APOB: variants seen among roughly 807,000 people sequenced by gnomAD.
The protein encoded by APOB is apolipoprotein B-100.
A neutral mutation model predicts 314.1 loss-of-function variants in APOB; 153 were observed. The ratio of observed to expected loss-of-function variants is 0.49; its 90% CI spans 0.43 to 0.56. The LOEUF (loss-of-function observed/expected upper bound fraction) is 0.56, where lower values mean the gene tolerates loss of function less well. Ranked by LOEUF, APOB falls within the 20% of genes least tolerant of loss-of-function variation. APOB has a pLI of 0.00. For synonymous variants in APOB, 2,087 were observed against 2,036.4 expected (o/e 1.02, Z -0.67); for missense variants, 5,430 against 5,350.7 (o/e 1.01, Z -0.46).
Position 21,002,173 on chromosome 2 carries a change from C to T in APOB, c.13249G>A (p.Ala4417Thr), listed in dbSNP as rs750098212. 1 of 1,613,932 alleles carries T rather than the reference C, an allele frequency of 6.2e-7. No homozygotes were observed. The highest frequency in any genetic ancestry group is 1.3e-5 in the African/African-American group (1 of 75,026). ...IVSLIKNLLV[A>T]LKDFHSEYIV... ...TATTCAGAATGGAAGTCCTTAAGAG[C>T]AACTAACAGGTTCTTGATCAGACTG... Residue 4417 changes from alanine (A) to threonine (T), a missense_variant, in exon 29 of 29, where the codon GCT becomes ACT. By Grantham distance (58) the Ala-to-Thr change is moderately conservative (BLOSUM62 0). Transcript: ENST00000233242.
In APOB at chr2:21,037,184, T is replaced by C. The variant is rs1255146365; in HGVS notation, c.609A>G (p.Ile203Met). 4.3e-6 allele frequency: 7 copies of C among 1,614,076 alleles called. No homozygotes were observed. In the East Asian group the frequency reaches 1.6e-4, roughly 36 times the overall value. ...KTRKGNVATE[I>M]STERDLGQCD... Reference sequence around the variant, plus strand: ...ACTGCCCCAGGTCTCTTTCAGTGGATATTTCTGTTGCCACATTGCCCTTCC... The same window carrying C: ...ACTGCCCCAGGTCTCTTTCAGTGGACATTTCTGTTGCCACATTGCCCTTCC... Residue 203 changes from isoleucine (I) to methionine (M), a missense_variant, in exon 6 of 29, where the codon ATA (isoleucine) becomes ATG (methionine). This residue lies in a region of APOB where 2,085 missense variants were observed against 2,079.7 expected (regional missense o/e 1.00). Transcript: ENST00000233242.
intron 16 of APOB, chr2:21,024,553 A>T: frequency 2.5e-6 from 1 of 396,010 alleles, no homozygotes. Context: ...CGGAAGGCAG[A>T]GTTGCAGTGA....
chr2:21,035,455 G>T, intron 7 of APOB, 129 bp downstream of exon 7: 1 of 1,226,774 alleles, frequency 8.2e-7, no homozygotes, highest in Non-Finnish European at 1.2e-6. Context: ...GGGACAGGGA[G>T]GGGCGGCATT....
chr2:21,038,149 T>A, intron 4 of APOB, 38 bp from the exon 5 acceptor site: 1 of 1,612,142 alleles, frequency 6.2e-7, no homozygotes, highest in Non-Finnish European at 8.5e-7. Flanking sequence ...AATGTCCTTC[T>A]CCATTACAAC....
rs1304325187 is a variant in APOB, at chr2:21,038,159, C to T, written c.384-48G>A. ...ACGGAAATGTCCTTCTCCATTACAA[C>T]TTGCTGGAAGTAAGCTGGGTGGCAC... On this transcript the variant is annotated intron_variant, in intron 4 of 28. Coordinates refer to ENST00000233242, the MANE Select transcript of APOB (RefSeq NM_000384.3). 6 of 1,609,760 alleles carry T rather than the reference C, an allele frequency of 3.7e-6. No individual in the cohort carries two copies. In the African/African-American group the frequency reaches 5.3e-5, roughly 14 times the overall value.
rs776455104 is a variant in APOB, at chr2:21,009,978, AG to A, written c.6889del (p.Leu2297PhefsTer2). On this transcript the variant is annotated frameshift_variant, in exon 26 of 29. Transcript: ENST00000233242. LOFTEE classifies it high-confidence loss of function. The part of the protein sequence containing the change: ...QHIEAIDVRV[L>X]LDQLGTTISF... ...AATTGTAGTTCCCAATTGATCTAAA[AG>A]CACTCTAACATCAATAGCCTCAATG... 2 of 1,613,838 alleles carry A rather than the reference AG, an allele frequency of 1.2e-6. No homozygotes were observed. The highest frequency in any genetic ancestry group is 1.7e-6 in the Non-Finnish European group (2 of 1,179,926).
Position 21,041,022 on chromosome 2 carries a change from T to C in APOB, c.299A>G (p.Lys100Arg), listed in dbSNP as rs775252308. The change falls in exon 4 of 29, where the codon AAA (lysine) becomes AGA (arginine). Residue 100 changes from lysine (K) to arginine (R), a missense_variant. Physicochemically the swap from Lys to Arg is conservative, Grantham distance 26 (BLOSUM62 2). This residue lies in a region of APOB where 2,085 missense variants were observed against 2,079.7 expected (regional missense o/e 1.00). Transcript: ENST00000233242. ...CTCAGGGTTGAAGCCATACACCTCTTTCAGGGTGCACTGGCTGGTCTTCAG... is the reference window on the plus strand; with the variant it reads ...CTCAGGGTTGAAGCCATACACCTCTCTCAGGGTGCACTGGCTGGTCTTCAG... ...FILKTSQCTL[K>R]EVYGFNPEGK... is the part of the protein sequence containing the mutation. The C allele has an allele frequency of 6.2e-7, 1 of 1,613,608 alleles. No homozygotes were observed. Among genetic ancestry groups the C allele is most frequent in the South Asian group, 1.1e-5 (1 of 90,962 alleles).
intron 20 of APOB, among the ~76,000 whole-genome samples, chr2:21,018,642 C>T (rs570441885): frequency 7.9e-5 from 12 of 152,324 alleles, no homozygotes; most frequent in African/African-American, 2.9e-4. Context: ...AAATGCACTG[C>T]TTTCCCTGCC....
chr2:21,003,340 C>CAG lies in APOB; in HGVS notation c.12088-8_12088-7dup. 6.3e-7 allele frequency: 1 copy of CAG among 1,596,760 alleles called. No individual in the cohort carries two copies. The highest frequency in any genetic ancestry group is 8.5e-7 in the Non-Finnish European group (1 of 1,172,666). ...AGTTTTTTATCTGGAGAGGACTAAA[C>CAG]AGAGAGAAAAAAAAAAATAACATGT... On this transcript the variant is annotated splice_region_variant and splice_polypyrimidine_tract_variant and intron_variant, in intron 28 of 28. Transcript: ENST00000233242.
At chr2:21,033,904 AG>A (rs1663940176) in intron 8 of APOB, among the ~76,000 whole-genome samples, 1 of 152,208 alleles carries the variant, frequency 6.6e-6, no homozygotes, top group Non-Finnish European at 1.5e-5. Context: ...AAGAGCTCTC[AG>A]GGTCTAAGAG....
intron 7 of APOB, among the ~76,000 whole-genome samples, chr2:21,035,240 T>C (rs962644864): frequency 6.6e-6 from 1 of 152,202 alleles, no homozygotes; most frequent in Admixed American, 6.5e-5. Context: ...ATTATCAGTT[T>C]TCAAAGTGGA....
chr2:21,006,289 G>A lies in APOB; in HGVS notation c.10579C>T (p.Arg3527Trp), dbSNP rs144467873. Residue 3527 changes from arginine to tryptophan, a missense_variant, in exon 26 of 29, where the codon CGG becomes TGG. Physicochemically the swap from Arg to Trp is moderately radical, Grantham distance 101. Transcript: ENST00000233242. ...ANTYLNSKST[R>W]SSVKLQGTSK... ...GTGCCCTGCAGCTTCACTGAAGACC[G>A]TGTGCTCTTGGAATTCAAGTAAGTG... The A allele has an allele frequency of 5.8e-5, 93 of 1,613,988 alleles. No homozygotes were observed. The highest frequency in any genetic ancestry group is 5.1e-4 in the East Asian group (23 of 44,872).
rs772632789 is a variant in APOB at position 21,002,614 on chromosome 2, T to C, written c.12808A>G (p.Arg4270Gly). 1.9e-6 allele frequency: 3 copies of C among 1,614,080 alleles called. No homozygotes were observed. The highest frequency in any genetic ancestry group is 4.5e-5 in the East Asian group (2 of 44,866). Residue 4270 changes from arginine (R) to glycine (G), a missense_variant, in exon 29 of 29, where the codon AGG (arginine) becomes GGG (glycine). Around this residue, in one of 3 missense-constraint regions of APOB, gnomAD observed 3,281 missense variants for 3,171.0 expected, o/e 1.03. Coordinates refer to ENST00000233242, the MANE Select transcript of APOB (RefSeq NM_000384.3). Reference protein sequence around the residue: ...HKLIDVISMYRELLKDLSKEA... With the variant: ...HKLIDVISMYGELLKDLSKEA... ...TTTGATAAATCTTTCAACAGTTCCC[T>C]ATACATCGAGATTACATCTATTAGT...
Position 21,007,294 on chromosome 2 carries a change from C to G in APOB, c.9574G>C (p.Val3192Leu). The change falls in exon 26 of 29, where the codon GTG (valine) becomes CTG (leucine). Residue 3192 changes from valine (V) to leucine (L), a missense_variant. Coordinates refer to ENST00000233242, the MANE Select transcript of APOB (RefSeq NM_000384.3). ...HRHSITNPLAVLCEFISQSIK... is the reference protein window; with the variant it reads ...HRHSITNPLALLCEFISQSIK... The stretch of plus-strand genomic sequence containing the variant: ...CTCTGACTGATAAACTCACAAAGCA[C>G]AGCCAAAGGATTTGTGATGGAATGC... The G allele has an allele frequency of 1.2e-6, 2 of 1,613,804 alleles. No homozygotes were observed. Among genetic ancestry groups the G allele is most frequent in the Non-Finnish European group, 1.7e-6 (2 of 1,179,862 alleles).
chr2:21,033,548 T>C (rs763979487), intron 8 of APOB, 30 bp from the exon 9 acceptor site: 2 of 1,570,410 alleles, frequency 1.3e-6, no homozygotes, highest in East Asian at 4.5e-5. Context: ...AAAGGAACTC[T>C]AGCTTTCTTC....
In APOB at chr2:21,029,763, G is replaced by A. The variant is rs758928147; in HGVS notation, c.1493C>T (p.Thr498Ile). Residue 498 changes from threonine (T) to isoleucine (I), a missense_variant, in exon 12 of 29, where the codon ACC becomes ATC. This residue lies in a region of APOB where 2,085 missense variants were observed against 2,079.7 expected (regional missense o/e 1.00). Transcript: ENST00000233242. ...GAGTTCTGGAGTTAACTGCTCCATG[G>A]TTTGGCCCATATTTCCAATGACCTG... Reference protein sequence around the residue: ...ILRVIGNMGQTMEQLTPELKS... With the variant: ...ILRVIGNMGQIMEQLTPELKS... The A allele has an allele frequency of 3.7e-6, 6 of 1,614,016 alleles. No individual in the cohort carries two copies. The South Asian group carries it at 6.6e-5, about 18-fold the overall frequency.
rs888109982 is a variant in APOB at position 21,024,983 on chromosome 2, C to G, written c.2386G>C (p.Gly796Arg). ...FASLHDLQLL[G>R]KLLLMGARTL... ...CGGGCACCCATCAGAAGCAGCTTTC[C>G]CAGGAGCTGGAGGTCATGGAGACTG... Residue 796 changes from glycine to arginine, a missense_variant, in exon 16 of 29, where the codon GGA becomes CGA. Physicochemically the swap from Gly to Arg is moderately radical, Grantham distance 125. This residue lies in a region of APOB where 2,085 missense variants were observed against 2,079.7 expected (regional missense o/e 1.00). Transcript: ENST00000233242. 1.9e-6 allele frequency: 3 copies of G among 1,614,174 alleles called. No individual in the cohort carries two copies. The highest frequency in any genetic ancestry group is 2.5e-6 in the Non-Finnish European group (3 of 1,180,028).
chr2:21,024,975 C>T lies in APOB; in HGVS notation c.2394G>A (p.Leu798=). 6.2e-7 allele frequency: 1 copy of T among 1,614,176 alleles called. No homozygotes were observed. Among genetic ancestry groups the T allele is most frequent in the Non-Finnish European group, 8.5e-7 (1 of 1,180,024 alleles). Reference sequence around the variant, plus strand: ...GCAGAGTGCGGGCACCCATCAGAAGCAGCTTTCCCAGGAGCTGGAGGTCAT... The same window carrying T: ...GCAGAGTGCGGGCACCCATCAGAAGTAGCTTTCCCAGGAGCTGGAGGTCAT... ...SLHDLQLLGK[L]LLMGARTLQG... The change falls in exon 16 of 29, where the codon CTG becomes CTA. Residue 798 remains leucine (L), a synonymous_variant. Transcript: ENST00000233242.
Position 21,003,006 on chromosome 2 carries a change from C to A in APOB, c.12416G>T (p.Gly4139Val). The change falls in exon 29 of 29, where the codon GGG becomes GTG. Residue 4139 changes from glycine to valine, a missense_variant. Gly to Val is a moderately radical substitution (Grantham distance 109). Coordinates refer to ENST00000233242, the MANE Select transcript of APOB (RefSeq NM_000384.3). ...RFQKAASGTT[G>V]TYQEWKDKAQ... Reference sequence around the variant, plus strand: ...CTTGTCCTTCCACTCTTGGTAGGTCCCAGTGGTGCCACTGGCTGCTTTCTG... The same window carrying A: ...CTTGTCCTTCCACTCTTGGTAGGTCACAGTGGTGCCACTGGCTGCTTTCTG... 1 of 1,573,944 alleles carries A rather than the reference C, an allele frequency of 6.4e-7. No homozygotes were observed. Among genetic ancestry groups the A allele is most frequent in the Non-Finnish European group, 8.6e-7 (1 of 1,159,746 alleles).
Sources: allele counts gnomAD v4.1 joint callset (sites outside exome capture counted in the v4.1 genomes callset), GRCh38; gene constraint gnomAD v4.1.1; regional missense constraint gnomAD v4.1.1; transcripts MANE v1.5; gene names NCBI Gene and HGNC (gene_info 2026-07-23, HGNC 2026-07-21).